GRHL3: variants seen among roughly 807,000 people sequenced by gnomAD.
GRHL3 encodes the protein grainyhead like transcription factor 3.
A neutral mutation model predicts 70.3 loss-of-function variants in GRHL3; 20 were observed. The ratio of observed to expected loss-of-function variants is 0.28; its 90% CI spans 0.20 to 0.41. The LOEUF (loss-of-function observed/expected upper bound fraction) is 0.41. Among genes scored for constraint, GRHL3 ranks in the 10% least tolerant of loss-of-function variants. The probability of loss-of-function intolerance (pLI) is 1.00; values close to 1 mark genes in which losing one functional copy is unlikely to be tolerated. For synonymous variants in GRHL3, 299 were observed against 299.9 expected, an observed-to-expected ratio of 1.00 and a Z score of 0.03; for missense variants, 637 against 762.3, an observed-to-expected ratio of 0.84 and a Z score of 1.94.
At chr1:24,351,126 G>A (rs898501722) in intron 15 of GRHL3, among the ~76,000 whole-genome samples, 6 of 152,246 alleles carry the variant, frequency 3.9e-5, no homozygotes, top group Admixed American at 3.9e-4. Context: ...TCCTCTTGCT[G>A]TGGATAGTCT....
intron 2 of GRHL3, among the ~76,000 whole-genome samples, chr1:24,332,886 C>T (rs921547779): frequency 6.6e-6 from 1 of 152,282 alleles, no homozygotes; most frequent in South Asian, 2.1e-4. Context: ...GTCTGGTTAC[C>T]CTACCTCCCT....
At chr1:24,354,316 G>A in intron 15 of GRHL3, 58 bp from the exon 16 acceptor site, 1 of 1,211,580 alleles carries the variant, frequency 8.3e-7, no homozygotes, top group Non-Finnish European at 1.2e-6. Context: ...TGGTCACTCA[G>A]AAGGCCTGAA....
intron 15 of GRHL3, among the ~76,000 whole-genome samples, chr1:24,361,696 C>T (rs1333708254): frequency 1.3e-5 from 2 of 152,138 alleles, no homozygotes; most frequent in Non-Finnish European, 2.9e-5. Context: ...TTACCACTCA[C>T]ACCGCCATTG....
chr1:24,321,002 T>C lies in GRHL3; in HGVS notation c.17+1434T>C, dbSNP rs1478939607. ...GGTGGAGAACACACCAGTAACACCA[T>C]TGTCATTTCATGTAGAACTAACCAA... On this transcript the variant is annotated intron_variant, in intron 1 of 15. Coordinates refer to ENST00000361548, the MANE Select transcript of GRHL3 (RefSeq NM_198173.3). This position sits in a 1 kb window ranked among gnomAD's most constrained non-coding sequence, Gnocchi z 4.0. Among the ~76,000 whole-genome samples, 1 of 152,202 alleles carries C rather than the reference T, an allele frequency of 6.6e-6. No individual in the cohort carries two copies. Among genetic ancestry groups the C allele is most frequent in the Non-Finnish European group, 1.5e-5 (1 of 68,028 alleles).
At chr1:24,331,636 G>A in intron 2 of GRHL3, 24 bp downstream of exon 2, 1 of 1,592,862 alleles carries the variant, frequency 6.3e-7, no homozygotes, top group Non-Finnish European at 8.6e-7. Context: ...CTCTGGACAT[G>A]CCCCGTTTTG....
At chr1:24,346,714 GC>G (rs761831463) in intron 13 of GRHL3, 73 bp downstream of exon 13, 21 of 1,213,246 alleles carry the variant, frequency 1.7e-5, no homozygotes, top group Non-Finnish European at 2.5e-5. Context: ...CTTTCCCAAA[GC>G]CTCCTTGGGG....
Position 24,337,649 on chromosome 1 carries a change from A to G in GRHL3, c.700A>G (p.Thr234Ala), listed in dbSNP as rs968756304. The G allele has an allele frequency of 6.2e-7, 1 of 1,613,886 alleles. No homozygotes were observed. The change falls in exon 6 of 16, where the codon ACC becomes GCC. Residue 234 changes from threonine to alanine, a missense_variant. Thr to Ala is a moderately conservative substitution (Grantham distance 58). Coordinates refer to ENST00000361548, the MANE Select transcript of GRHL3 (RefSeq NM_198173.3). Reference sequence around the variant, plus strand: ...TCCTCCCTGCAGTGACTTTGAATACACCCTGGGCTCCCCCAAAGCCATCCA... The same window carrying G: ...TCCTCCCTGCAGTGACTTTGAATACGCCCTGGGCTCCCCCAAAGCCATCCA... Reference protein sequence around the residue: ...YPSLKSDFEYTLGSPKAIHIK... With the variant: ...YPSLKSDFEYALGSPKAIHIK...
At chr1:24,326,836 C>T (rs372029307) in intron 1 of GRHL3, among the ~76,000 whole-genome samples, 9 of 152,194 alleles carry the variant, frequency 5.9e-5, no homozygotes, top group African/African-American at 1.9e-4. Context: ...CAGTACCCTG[C>T]AACAGGTCAC....
intron 1 of GRHL3, among the ~76,000 whole-genome samples, chr1:24,330,003 T>C (rs1361382858): frequency 6.6e-6 from 1 of 152,234 alleles, no homozygotes; most frequent in Non-Finnish European, 1.5e-5. Flanking sequence ...GAAATGTACA[T>C]TCTCAGCCAC....
intron 2 of GRHL3, among the ~76,000 whole-genome samples, chr1:24,333,156 G>A (rs914101280): frequency 2.6e-5 from 4 of 152,188 alleles, no homozygotes; most frequent in Admixed American, 6.5e-5. Context: ...TGGTTTTAGC[G>A]AAGTACAGTG....
chr1:24,335,809 CCTGA>C (rs1227872774), intron 3 of GRHL3, among the ~76,000 whole-genome samples: 1 of 152,146 alleles, frequency 6.6e-6, no homozygotes, highest in Non-Finnish European at 1.5e-5. Context: ...GTCTCGATCT[CCTGA>C]CCTCGTGATC....
intron 1 of GRHL3, among the ~76,000 whole-genome samples, chr1:24,327,657 A>C (rs188032110): frequency 1.3e-5 from 2 of 152,168 alleles, no homozygotes; most frequent in Non-Finnish European, 2.9e-5. Context: ...GGACACCAAC[A>C]GAGAGTTTGT....
Position 24,355,182 on chromosome 1 carries a change from A to G in GRHL3, c.*694A>G, listed in dbSNP as rs140686834. 8.9e-4 allele frequency: 135 copies of G among 152,342 alleles called. No homozygotes were observed. Among genetic ancestry groups the G allele is most frequent in the African/African-American group, 3.1e-3 (130 of 41,412 alleles). The allele number at this position is 152,342 out of a possible 1,614,324, so 9.4% of individuals were successfully genotyped here. A position where few individuals can be genotyped will look rare whatever the true frequency, so the allele number is the denominator to read the frequency against. ...ATATATGCAACATTTTATATTTTTC[A>G]TGGATATGTTTTTATCATTTCAAAA... is the stretch of plus-strand genomic sequence containing the variant. On this transcript the variant is annotated 3_prime_UTR_variant, in exon 16 of 16. Transcript: ENST00000361548.
chr1:24,347,500 G>A lies in GRHL3; in HGVS notation c.1576G>A (p.Val526Met), dbSNP rs376342726. The change falls in exon 14 of 16, where the codon GTG (valine) becomes ATG (methionine). Residue 526 changes from valine (V) to methionine (M), a missense_variant. This residue lies in a region of GRHL3 where 387 missense variants were observed against 513.8 expected (regional missense o/e 0.75). Transcript: ENST00000361548. ...GTATGTGCGGAGGGAGACTGAGGAG[G>A]TGTTTGACGCGCTCATGTTGAAGAC... The part of the protein sequence containing the change: ...LLYVRRETEE[V>M]FDALMLKTPD... The A allele has an allele frequency of 4.7e-5, 76 of 1,614,068 alleles. No individual in the cohort carries two copies. The highest frequency in any genetic ancestry group is 6.4e-5 in the Non-Finnish European group (76 of 1,180,020).
chr1:24,339,530 C>T lies in GRHL3; in HGVS notation c.953-138C>T, dbSNP rs554135550. The T allele has an allele frequency of 1.5e-3, 828 of 560,964 alleles. 4 individuals carry two copies. Among genetic ancestry groups the T allele is most frequent in the Non-Finnish European group, 2.0e-3 (609 of 302,506 alleles). The allele number at this position is 560,964 out of a possible 1,614,324, so 34.7% of individuals were successfully genotyped here. On this transcript the variant is annotated intron_variant, in intron 7 of 15. Transcript: ENST00000361548. ...TCCTGACCTTGTGATCCCCCTGCCT[C>T]GGCCTCCCAAAGTGCTGGGATTACA...
chr1:24,357,370 G>C (rs1640792064), downstream of GRHL3: 1 of 152,246 alleles, frequency 6.6e-6, no homozygotes, highest in Non-Finnish European at 1.5e-5. Context: ...TCCCCTCCCA[G>C]AGCCAGTTAG....
chr1:24,346,659 T>G lies in GRHL3; in HGVS notation c.1543+18T>G. Reference sequence around the variant, plus strand: ...TCAGAGAGGTGACCTCCCGCCCTCCTCATTTACTCACCAGGCCCACCCCAG... The same window carrying G: ...TCAGAGAGGTGACCTCCCGCCCTCCGCATTTACTCACCAGGCCCACCCCAG... On this transcript the variant is annotated intron_variant, in intron 13 of 15. Transcript: ENST00000361548. The G allele has an allele frequency of 6.3e-7, 1 of 1,588,010 alleles. No individual in the cohort carries two copies. The highest frequency in any genetic ancestry group is 8.6e-7 in the Non-Finnish European group (1 of 1,158,932).
chr1:24,355,346 G>A (rs1640676973), downstream of GRHL3: 1 of 152,406 alleles, frequency 6.6e-6, no homozygotes, highest in African/African-American at 2.4e-5. Flanking sequence ...GTTCCTTTTG[G>A]GAGAGTCTGC....
In GRHL3 at chr1:24,336,501, T is replaced by C. The variant is rs750417670; in HGVS notation, c.286T>C (p.Tyr96His). 1 of 1,589,992 alleles carries C rather than the reference T, an allele frequency of 6.3e-7. No homozygotes were observed. The highest frequency in any genetic ancestry group is 1.7e-5 in the Admixed American group (1 of 58,014). Residue 96 changes from tyrosine to histidine, a missense_variant, in exon 4 of 16, where the codon TAT becomes CAT. Tyr to His is a moderately conservative substitution (Grantham distance 83). This residue lies in a region of GRHL3 where 250 missense variants were observed against 248.6 expected (regional missense o/e 1.01). Transcript: ENST00000361548. ...QGKRYYHGMEYETDLTPLESP... is the reference protein window; with the variant it reads ...QGKRYYHGMEHETDLTPLESP... ...CCCCAGGTACTACCATGGCATGGAA[T>C]ATGAGACGGACCTCACTCCCCTTGA...
Sources: allele counts gnomAD v4.1 joint callset (sites outside exome capture counted in the v4.1 genomes callset), GRCh38; gene constraint gnomAD v4.1.1; regional missense constraint gnomAD v4.1.1; non-coding constraint Gnocchi (gnomAD v3.1); transcripts MANE v1.5; gene names NCBI Gene and HGNC (gene_info 2026-07-23, HGNC 2026-07-21).